Variants in TTC7B observed in about 807,000 individuals in gnomAD.
TTC7B encodes tetratricopeptide repeat domain 7B, also known as tetratricopeptide repeat protein 7B.
In TTC7B, 28 loss-of-function variants were observed where a neutral mutation model predicts 106.8. The ratio of observed to expected loss-of-function variants is 0.26; its 90% CI spans 0.19 to 0.36. The LOEUF is 0.36. TTC7B is among the 10% of genes least tolerant of loss of function. The probability of loss-of-function intolerance (pLI) is 1.00; values close to 1 mark genes in which losing one functional copy is unlikely to be tolerated. For missense variants in TTC7B, 862 were observed against 1,076.4 expected, an observed-to-expected ratio of 0.80 and a Z score of 2.79; for synonymous variants, 405 against 430.6, an observed-to-expected ratio of 0.94 and a Z score of 0.74.
intron 19 of TTC7B, among the ~76,000 whole-genome samples, chr14:90,572,236 A>C (rs1891063813): frequency 6.6e-6 from 1 of 152,232 alleles, no homozygotes; most frequent in African/African-American, 2.4e-5. Flanking sequence ...GTAAACTGGA[A>C]GACAGTTTAA....
At chr14:90,646,915 A>G (rs1566816366) in intron 14 of TTC7B, 36 bp downstream of exon 14, 2 of 1,560,650 alleles carry the variant, frequency 1.3e-6, no homozygotes, top group Non-Finnish European at 1.8e-6. Flanking sequence ...CAAGATACAG[A>G]GTGCAGCAAG....
chr14:90,558,832 T>C (rs1403367445), intron 19 of TTC7B, among the ~76,000 whole-genome samples: 2 of 152,154 alleles, frequency 1.3e-5, no homozygotes, highest in African/African-American at 4.8e-5. Flanking sequence ...TGGAGTTTTT[T>C]ACAAACTTTC....
At chr14:90,671,769 A>G (rs1051594448) in intron 9 of TTC7B, among the ~76,000 whole-genome samples, 2 of 152,210 alleles carry the variant, frequency 1.3e-5, no homozygotes, top group African/African-American at 4.8e-5. Flanking sequence ...CCTTTGTACA[A>G]TGCTCTTTGG....
chr14:90,802,969 T>TAA lies in TTC7B; in HGVS notation c.121+13204_121+13205dup, dbSNP rs34070744. ...CAACATGGTGAAACCCCATCTCTGCTAAAAAAAAAAAAAAATACAAAAAAT... is the reference window on the plus strand; with the variant it reads ...CAACATGGTGAAACCCCATCTCTGCTAAAAAAAAAAAAAAAAATACAAAAAAT... On this transcript the variant is annotated intron_variant, in intron 1 of 19. Transcript: ENST00000328459. This position sits in a 1 kb window ranked among gnomAD's most constrained non-coding sequence, Gnocchi z 4.7. 2.0e-3 allele frequency among the ~76,000 whole-genome samples: 280 copies of TAA among 141,458 alleles called. No individual in the cohort carries two copies. The highest frequency in any genetic ancestry group is 4.5e-3 in the African/African-American group (170 of 38,008). The allele number at this position is 141,458 out of a possible 152,430, so 92.8% of individuals were successfully genotyped here.
rs573982072 is a variant in TTC7B, at chr14:90,573,340, A to G, written c.2310+4766T>C. On this transcript the variant is annotated intron_variant, in intron 19 of 19. Transcript: ENST00000328459. ...TCCCGATGCTCTTTCCATGGTTCTC[A>G]GTGCATGGTCCCTCTCCGGCTCACG... Among the ~76,000 whole-genome samples, 20 of 151,340 alleles carry G rather than the reference A, an allele frequency of 1.3e-4. No individual in the cohort carries two copies. In the South Asian group the frequency reaches 2.3e-3, roughly 17 times the overall value.
intron 9 of TTC7B, among the ~76,000 whole-genome samples, chr14:90,673,218 A>G (rs1886699099): frequency 6.6e-6 from 1 of 152,240 alleles, no homozygotes; most frequent in African/African-American, 2.4e-5. Context: ...ATAATGCACA[A>G]TTTATTCATA....
At chr14:90,686,549 T>C (rs774491168) in intron 7 of TTC7B, among the ~76,000 whole-genome samples, 5 of 152,184 alleles carry the variant, frequency 3.3e-5, no homozygotes, top group Admixed American at 1.3e-4. Context: ...ATATTAGTAT[T>C]AATAGATGAC....
Position 90,689,581 on chromosome 14 carries a change from G to T in TTC7B, c.909C>A (p.Thr303=). 1 of 1,614,138 alleles carries T rather than the reference G, an allele frequency of 6.2e-7. No individual in the cohort carries two copies. Among genetic ancestry groups the T allele is most frequent in the East Asian group, 2.2e-5 (1 of 44,880 alleles). Residue 303 remains threonine, a synonymous_variant, in exon 7 of 20, where the codon ACC becomes ACA. Transcript: ENST00000328459. Reference sequence around the variant, plus strand: ...CACGGGCTCTCCGAGTGAGAGTGTAGGTTTTTGTGTTTGCTCCTTTGCGGA... The same window carrying T: ...CACGGGCTCTCCGAGTGAGAGTGTATGTTTTTGTGTTTGCTCCTTTGCGGA... ...DPLRKGANTK[T]YTLTRRARVY...
At chr14:90,741,949 T>C (rs1889783213) in intron 4 of TTC7B, among the ~76,000 whole-genome samples, 1 of 152,200 alleles carries the variant, frequency 6.6e-6, no homozygotes, top group South Asian at 2.1e-4. Flanking sequence ...GAGCCAGAAA[T>C]TTGAAAATCA....
At chr14:90,749,329 C>T (rs377649474) in intron 3 of TTC7B, among the ~76,000 whole-genome samples, 13 of 151,914 alleles carry the variant, frequency 8.6e-5, no homozygotes, top group African/African-American at 2.7e-4. Context: ...GGGGACTTTA[C>T]GCACATATTA....
intron 3 of TTC7B, 88 bp from the exon 4 acceptor site, chr14:90,745,010 G>T: frequency 7.7e-7 from 1 of 1,292,082 alleles, no homozygotes; most frequent in Non-Finnish European, 1.1e-6. Context: ...CCAGAAGATG[G>T]CTGTAGAATA....
At chr14:90,677,795 C>T (rs1211595985) in intron 8 of TTC7B, 2 of 454,240 alleles carry the variant, frequency 4.4e-6, no homozygotes, top group Non-Finnish European at 8.8e-6. Context: ...AAGGCATTTA[C>T]TTTTAGCCAC....
At chr14:90,815,714 T>C in intron 1 of TTC7B, among the ~76,000 whole-genome samples, 1 of 151,946 alleles carries the variant, frequency 6.6e-6, no homozygotes, top group East Asian at 1.9e-4. Context: ...CAGGGGTCTA[T>C]GTACAACACC....
chr14:90,729,831 G>C (rs1889256131), intron 5 of TTC7B, among the ~76,000 whole-genome samples: 1 of 152,128 alleles, frequency 6.6e-6, no homozygotes, highest in African/African-American at 2.4e-5. Flanking sequence ...TCTTGAGGCT[G>C]TGTACTTTTG....
intron 17 of TTC7B, among the ~76,000 whole-genome samples, chr14:90,598,432 T>G (rs1892300972): frequency 6.6e-6 from 1 of 152,190 alleles, no homozygotes; most frequent in African/African-American, 2.4e-5. Context: ...CAGGGTTTCC[T>G]TCTAGGCTCC....
At chr14:90,629,242 C>CTT (rs34061423) in intron 15 of TTC7B, among the ~76,000 whole-genome samples, 22,034 of 151,088 alleles carry the variant, frequency 0.15, 1,663 homozygotes, top group East Asian at 0.21. Flanking sequence ...TCTCAGGTTC[C>CTT]TTTTTTTTTC....
intron 15 of TTC7B, among the ~76,000 whole-genome samples, chr14:90,623,936 G>A (rs1389397670): frequency 1.3e-5 from 2 of 152,232 alleles, no homozygotes; most frequent in African/African-American, 2.4e-5. Flanking sequence ...CAGAAGAATT[G>A]TTTGGACCCA....
intron 15 of TTC7B, among the ~76,000 whole-genome samples, chr14:90,630,604 T>C (rs1239555939): frequency 1.3e-5 from 2 of 152,206 alleles, no homozygotes; most frequent in African/African-American, 2.4e-5. Context: ...ACTCTATTCG[T>C]GTTGCAAAAC....
chr14:90,734,312 C>G (rs1318359365), intron 4 of TTC7B, among the ~76,000 whole-genome samples: 1 of 151,244 alleles, frequency 6.6e-6, no homozygotes, highest in Admixed American at 6.6e-5. Context: ...CCCAGCTACT[C>G]AGTAGGCTGA....
Sources: allele counts gnomAD v4.1 joint callset (sites outside exome capture counted in the v4.1 genomes callset), GRCh38; gene constraint gnomAD v4.1.1; non-coding constraint Gnocchi (gnomAD v3.1); transcripts MANE v1.5; gene names NCBI Gene and HGNC (gene_info 2026-07-23, HGNC 2026-07-21).